Variants in RNF144B observed in about 807,000 individuals in gnomAD.
The protein encoded by RNF144B is E3 ubiquitin-protein ligase RNF144B.
A neutral mutation model predicts 40.2 loss-of-function variants in RNF144B; 25 were observed. That is an observed-to-expected ratio of 0.62 (90% CI 0.45 to 0.87). The LOEUF is 0.87. Ranked by LOEUF, RNF144B falls within the 40% of genes least tolerant of loss-of-function variation. The pLI is 0.00. For missense variants in RNF144B, 365 were observed against 373.7 expected, an observed-to-expected ratio of 0.98 and a Z score of 0.19; for synonymous variants, 145 against 136.3, an observed-to-expected ratio of 1.06 and a Z score of -0.44.
intron 1 of RNF144B, among the ~76,000 whole-genome samples, chr6:18,397,816 G>T (rs1384938745): frequency 6.6e-6 from 1 of 152,054 alleles, no homozygotes. Flanking sequence ...CACTGGGCTT[G>T]GTGGCCTCAG....
chr6:18,399,316 A>T (rs1243088497), intron 1 of RNF144B, among the ~76,000 whole-genome samples, 183 bp from the exon 2 acceptor site: 2 of 152,168 alleles, frequency 1.3e-5, no homozygotes, highest in East Asian at 3.9e-4. Context: ...ACATTTCAGG[A>T]CTTCAGGGAT....
rs1795207708 is a variant in RNF144B at position 18,419,347 on chromosome 6, T to C, written c.166-8234T>C. ...GCACTGCTCTCTGCTAGGGAACCAC[T>C]GGCCTTTTGGGATATATTCTCCTGA... On this transcript the variant is annotated intron_variant, in intron 2 of 7. Coordinates refer to ENST00000259939, the MANE Select transcript of RNF144B (RefSeq NM_182757.4). This position sits in a 1 kb window ranked among gnomAD's most constrained non-coding sequence, Gnocchi z 4.6. 6.6e-6 allele frequency among the ~76,000 whole-genome samples: 1 copy of C among 152,152 alleles called. No individual in the cohort carries two copies. Among genetic ancestry groups the C allele is most frequent in the Admixed American group, 6.6e-5 (1 of 15,266 alleles).
chr6:18,389,621 A>G (rs1047551577), intron 1 of RNF144B, among the ~76,000 whole-genome samples: 6 of 152,062 alleles, frequency 3.9e-5, no homozygotes, highest in African/African-American at 1.4e-4. Context: ...TGAAGTTTTT[A>G]GTGTTTGAAA....
rs561913387 is a variant in RNF144B, at chr6:18,406,084, A to G, written c.165+6385A>G. The stretch of plus-strand genomic sequence containing the variant: ...TCAACAAATATTTGCTGTGTCTTGC[A>G]TAGTTCTGATGGTTTGAATATAGTG... On this transcript the variant is annotated intron_variant, in intron 2 of 7. Coordinates refer to ENST00000259939, the MANE Select transcript of RNF144B (RefSeq NM_182757.4). This position sits in a 1 kb window ranked among gnomAD's most constrained non-coding sequence, Gnocchi z 4.2. 30 of 519,030 alleles carry G rather than the reference A, an allele frequency of 5.8e-5. No homozygotes were observed. Among genetic ancestry groups the G allele is most frequent in the Admixed American group, 4.7e-4 (24 of 51,606 alleles). 32.2% of individuals were successfully genotyped at this position (519,030 alleles called of 1,614,324 possible). A position where few individuals can be genotyped will look rare whatever the true frequency, so the allele number is the denominator to read the frequency against.
intron 2 of RNF144B, among the ~76,000 whole-genome samples, chr6:18,420,888 C>T (rs1443045018): frequency 6.6e-6 from 1 of 152,010 alleles, no homozygotes; most frequent in Non-Finnish European, 1.5e-5. Context: ...AGTATATAAG[C>T]ATATTTAGGC....
Position 18,419,087 on chromosome 6 carries a change from A to G in RNF144B, c.166-8494A>G, listed in dbSNP as rs574159116. Among the ~76,000 whole-genome samples the G allele has an allele frequency of 6.6e-6, 1 of 152,268 alleles. No individual in the cohort carries two copies. Among genetic ancestry groups the G allele is most frequent in the East Asian group, 1.9e-4 (1 of 5,184 alleles). On this transcript the variant is annotated intron_variant, in intron 2 of 7. Coordinates refer to ENST00000259939, the MANE Select transcript of RNF144B (RefSeq NM_182757.4). The surrounding 1 kb of genome is among the most constrained non-coding windows in gnomAD (Gnocchi z 4.6). ...CACTGAATCAGAATCTGCATTTTTG[A>G]TGGGATCCTCAAATAACTTGGATGG...
intron 2 of RNF144B, among the ~76,000 whole-genome samples, chr6:18,404,013 C>T (rs1280377990): frequency 6.6e-6 from 1 of 152,188 alleles, no homozygotes; most frequent in African/African-American, 2.4e-5. Flanking sequence ...CAAGCCATTC[C>T]CCAACTAGGT....
intron 2 of RNF144B, among the ~76,000 whole-genome samples, chr6:18,401,547 C>T (rs1054487037): frequency 6.6e-6 from 1 of 152,160 alleles, no homozygotes; most frequent in Non-Finnish European, 1.5e-5. Context: ...TGTATGATTA[C>T]ATTAGTGTCT....
At position 18,465,045 on chromosome 6, in the gene RNF144B, A is replaced by G; in HGVS notation, c.890A>G (p.Lys297Arg). ...AAGTCCTGTCGGGGCAAGAAGAAAA[A>G]GCACGACCCATCCACAACCTAAAGA... ...VCKSCRGKKK[K>R]HDPSTT is the part of the protein sequence containing the mutation. The change falls in exon 8 of 8, where the codon AAG (lysine) becomes AGG (arginine). Residue 297 changes from lysine to arginine, a missense_variant. Transcript: ENST00000259939. 4 of 1,613,798 alleles carry G rather than the reference A, an allele frequency of 2.5e-6. No homozygotes were observed. The highest frequency in any genetic ancestry group is 3.4e-6 in the Non-Finnish European group (4 of 1,179,902).
In RNF144B at chr6:18,464,192, G is replaced by A. The variant is rs1004004817; in HGVS notation, c.772-735G>A. ...CATGGTTTATTTTTAATTTTTAATA[G>A]TGTTTTATATTTATTAAAGGCGGTA... On this transcript the variant is annotated intron_variant, in intron 7 of 7. Coordinates refer to ENST00000259939, the MANE Select transcript of RNF144B (RefSeq NM_182757.4). This position sits in a 1 kb window ranked among gnomAD's most constrained non-coding sequence, Gnocchi z 6.1. Among the ~76,000 whole-genome samples the A allele has an allele frequency of 6.6e-6, 1 of 152,164 alleles. No homozygotes were observed. Among genetic ancestry groups the A allele is most frequent in the Non-Finnish European group, 1.5e-5 (1 of 68,038 alleles).
intron 2 of RNF144B, among the ~76,000 whole-genome samples, chr6:18,407,987 T>C (rs951404581): frequency 4.9e-5 from 1 of 20,546 alleles, no homozygotes. Context: ...TCTTTTTCTT[T>C]TTTTTTTTTT....
rs1012544125 is a variant in RNF144B, at chr6:18,414,150, A to C, written c.166-13431A>C. Among the ~76,000 whole-genome samples, 4 of 152,228 alleles carry C rather than the reference A, an allele frequency of 2.6e-5. No individual in the cohort carries two copies. Among genetic ancestry groups the C allele is most frequent in the African/African-American group, 7.2e-5 (3 of 41,462 alleles). On this transcript the variant is annotated intron_variant, in intron 2 of 7. Transcript: ENST00000259939. The surrounding 1 kb of genome is among the most constrained non-coding windows in gnomAD (Gnocchi z 4.9). ...AAGATGCTGATTTTGCTGTGGAGTC[A>C]TTGAATATCATTATTTCAAAATAAT... is the stretch of plus-strand genomic sequence containing the variant.
chr6:18,459,855 C>A lies in RNF144B; in HGVS notation c.681+104C>A. ...TTAAAATATTGGGGCAATTTTTGTC[C>A]TGCAAAAGGAATTTATTTTTCTTAA... On this transcript the variant is annotated intron_variant, in intron 6 of 7. Coordinates refer to ENST00000259939, the MANE Select transcript of RNF144B (RefSeq NM_182757.4). This position sits in a 1 kb window ranked among gnomAD's most constrained non-coding sequence, Gnocchi z 4.2. The A allele has an allele frequency of 9.5e-7, 1 of 1,054,384 alleles. No individual in the cohort carries two copies. The highest frequency in any genetic ancestry group is 1.4e-6 in the Non-Finnish European group (1 of 734,784). 65.3% of individuals were successfully genotyped at this position (1,054,384 alleles called of 1,614,324 possible).
Position 18,422,732 on chromosome 6 carries a change from C to T in RNF144B, c.166-4849C>T, listed in dbSNP as rs1200412821. On this transcript the variant is annotated intron_variant, in intron 2 of 7. Transcript: ENST00000259939. The surrounding 1 kb of genome is among the most constrained non-coding windows in gnomAD (Gnocchi z 4.7). ...ATCCCAGCACTTTGGGAAGCTGAGG[C>T]GACAGGATTCTTTGAGCCCAGGAGT... 2.0e-5 allele frequency among the ~76,000 whole-genome samples: 3 copies of T among 152,222 alleles called. No homozygotes were observed. Among genetic ancestry groups the T allele is most frequent in the East Asian group, 1.9e-4 (1 of 5,168 alleles).
chr6:18,387,673 C>T (rs1490792255), intron 1 of RNF144B, 43 bp downstream of exon 1: 3 of 1,282,052 alleles, frequency 2.3e-6, no homozygotes, highest in East Asian at 1.1e-4. Flanking sequence ...CGTTGCAAGA[C>T]CGGAATGGTG....
At chr6:18,415,158 T>A (rs573613227) in intron 2 of RNF144B, among the ~76,000 whole-genome samples, 165 of 152,338 alleles carry the variant, frequency 1.1e-3, no homozygotes, top group African/African-American at 3.8e-3. Context: ...AAAATATATT[T>A]TCTGTCCGTG....
rs200087419 is a variant in RNF144B at position 18,457,930 on chromosome 6, G to GTT, written c.536+579_536+580dup. On this transcript the variant is annotated intron_variant, in intron 5 of 7. Coordinates refer to ENST00000259939, the MANE Select transcript of RNF144B (RefSeq NM_182757.4). The surrounding 1 kb of genome is among the most constrained non-coding windows in gnomAD (Gnocchi z 5.1). ...AATCTGTACCTTTTTAGTACAGCGG[G>GTT]TTTTTTTTTGTTTTGTTTTGTTTTT... Among the ~76,000 whole-genome samples the GTT allele has an allele frequency of 2.0e-5, 3 of 151,064 alleles. No individual in the cohort carries two copies. The highest frequency in any genetic ancestry group is 7.3e-5 in the African/African-American group (3 of 41,068).
rs70974745 is a variant in RNF144B at position 18,449,697 on chromosome 6, G to GTATATA, written c.332-7447_332-7442dup. Among the ~76,000 whole-genome samples, 713 of 149,346 alleles carry GTATATA rather than the reference G, an allele frequency of 4.8e-3. 2 individuals carry two copies. Among genetic ancestry groups the GTATATA allele is most frequent in the African/African-American group, 0.016 (669 of 40,910 alleles). On this transcript the variant is annotated intron_variant, in intron 4 of 7. Coordinates refer to ENST00000259939, the MANE Select transcript of RNF144B (RefSeq NM_182757.4). Reference sequence around the variant, plus strand: ...TTTACTGTCTACAACGTGTTTTGAAGTATATATATATATATACATTGTGGA... The same window carrying GTATATA: ...TTTACTGTCTACAACGTGTTTTGAAGTATATATATATATATATATATACATTGTGGA...
Position 18,459,465 on chromosome 6 carries a change from A to G in RNF144B, c.537-142A>G, listed in dbSNP as rs1759404131. On this transcript the variant is annotated intron_variant, in intron 5 of 7. Transcript: ENST00000259939. This position sits in a 1 kb window ranked among gnomAD's most constrained non-coding sequence, Gnocchi z 4.2. ...CTTGTATGAGTTATCTGTACATCTA[A>G]TAATGTTTTTGCCCACACCCTTTCT... 1.4e-6 allele frequency: 1 copy of G among 698,430 alleles called. No homozygotes were observed. Among genetic ancestry groups the G allele is most frequent in the Non-Finnish European group, 2.4e-6 (1 of 419,078 alleles). 43.3% of individuals were successfully genotyped at this position (698,430 alleles called of 1,614,324 possible).
Sources: allele counts gnomAD v4.1 joint callset (sites outside exome capture counted in the v4.1 genomes callset), GRCh38; gene constraint gnomAD v4.1.1; non-coding constraint Gnocchi (gnomAD v3.1); transcripts MANE v1.5; gene names NCBI Gene and HGNC (gene_info 2026-07-23, HGNC 2026-07-21).